Variants in ERBB4 observed in about 807,000 individuals in gnomAD.
ERBB4 encodes receptor tyrosine-protein kinase erbB-4.
In ERBB4, 42 loss-of-function variants were observed where a neutral mutation model predicts 158.0. The observed-to-expected ratio is 0.27, with a 90% CI of 0.21 to 0.34. ERBB4 has a LOEUF of 0.34. ERBB4 is among the 10% of genes least tolerant of loss of function. The pLI is 1.00. For missense variants in ERBB4, 1,333 were observed against 1,624.1 expected (o/e 0.82, Z 3.08); for synonymous variants, 583 against 558.7 (o/e 1.04, Z -0.61).
chr2:212,185,219 G>T (rs1473998619), intron 1 of ERBB4, among the ~76,000 whole-genome samples: 1 of 151,532 alleles, frequency 6.6e-6, no homozygotes, highest in Non-Finnish European at 1.5e-5. Context: ...ACAAGGTTTT[G>T]CCATGTTGAC....
chr2:211,563,823 C>T (rs2067473954), intron 19 of ERBB4, among the ~76,000 whole-genome samples: 1 of 151,944 alleles, frequency 6.6e-6, no homozygotes, highest in Admixed American at 6.6e-5. Context: ...TGTGTCTATA[C>T]ATATATATAC....
chr2:212,041,282 T>G (rs2077135247), intron 2 of ERBB4, among the ~76,000 whole-genome samples: 1 of 151,878 alleles, frequency 6.6e-6, no homozygotes, highest in Non-Finnish European at 1.5e-5. Flanking sequence ...GTTGTTGCTG[T>G]TTTTTTTCAT....
At chr2:211,737,665 A>G (rs934778249) in intron 5 of ERBB4, among the ~76,000 whole-genome samples, 5 of 152,206 alleles carry the variant, frequency 3.3e-5, no homozygotes, top group Non-Finnish European at 1.5e-5. Flanking sequence ...AACTGTACTT[A>G]CCTCATGAAG....
intron 1 of ERBB4, among the ~76,000 whole-genome samples, chr2:212,488,318 CCTCTCTCTCTCT>C (rs67659068): frequency 3.5e-5 from 4 of 115,778 alleles, no homozygotes; most frequent in Non-Finnish European, 5.4e-5. Context: ...TTTCCTCGCT[CCTCTCTCTCTCT>C]CTCTCTCTCT....
chr2:212,517,885 C>A (rs1691932350), intron 1 of ERBB4, among the ~76,000 whole-genome samples: 1 of 152,062 alleles, frequency 6.6e-6, no homozygotes, highest in Non-Finnish European at 1.5e-5. Flanking sequence ...CTCCTGCTGG[C>A]AAAGTGAGCA....
chr2:211,480,898 TG>T (rs1305122971), intron 20 of ERBB4, among the ~76,000 whole-genome samples: 1 of 152,310 alleles, frequency 6.6e-6, no homozygotes, highest in East Asian at 1.9e-4. Flanking sequence ...AGTTTTTATT[TG>T]AATCAGGAAT....
intron 1 of ERBB4, among the ~76,000 whole-genome samples, chr2:212,480,639 T>C (rs1689647759): frequency 6.6e-6 from 1 of 152,198 alleles, no homozygotes; most frequent in African/African-American, 2.4e-5. Flanking sequence ...CTTGTGCCAA[T>C]AGCAGGGAGA....
chr2:212,154,656 T>C, intron 1 of ERBB4, among the ~76,000 whole-genome samples: 1 of 121,444 alleles, frequency 8.2e-6, no homozygotes. Flanking sequence ...TCAGTGAATC[T>C]AATTTGACAA....
At position 211,665,361 on chromosome 2, in the gene ERBB4, A is replaced by G. The variant is rs750908259; in HGVS notation, c.1833T>C (p.Asp611=). The change falls in exon 15 of 28, where the codon GAT becomes GAC. Residue 611 remains aspartate (D), a synonymous_variant. Coordinates refer to ENST00000342788, the MANE Select transcript of ERBB4 (RefSeq NM_005235.3). The part of the protein sequence containing the change: ...NSFIFKYADP[D]RECHPCHPNC... The stretch of plus-strand genomic sequence containing the variant: ...TTGGATGGCATGGGTGGCACTCCCG[A>G]TCTGGATCAGCATACTTGAAAATGA... 2.5e-6 allele frequency: 4 copies of G among 1,614,170 alleles called. No homozygotes were observed. The highest frequency in any genetic ancestry group is 2.2e-5 in the South Asian group (2 of 91,080).
rs1057077446 is a variant in ERBB4 at position 212,271,115 on chromosome 2, G to A, written c.83-146212C>T. Among the ~76,000 whole-genome samples, 3 of 151,640 alleles carry A rather than the reference G, an allele frequency of 2.0e-5. No individual in the cohort carries two copies. In the Admixed American group the frequency reaches 2.0e-4, roughly 10 times the overall value. ...AGTTATCATATAATACATAATATTT[G>A]GAAACTTGTGAATTTACTTATCTAA... is the stretch of plus-strand genomic sequence containing the variant. On this transcript the variant is annotated intron_variant, in intron 1 of 27. Transcript: ENST00000342788.
chr2:211,464,460 A>G (rs2064623043), intron 20 of ERBB4, among the ~76,000 whole-genome samples: 1 of 152,138 alleles, frequency 6.6e-6, no homozygotes, highest in African/African-American at 2.4e-5. Context: ...CCTAAACAAA[A>G]TTGAAGGCTA....
rs2079016497 is a variant in ERBB4 at position 211,893,322 on chromosome 2, T to C, written c.421+54108A>G. ...CAAGCAAGGGGGAAAGGATTCCCTA[T>C]TTAATAAATGGTGCTGGGAAAACTG... On this transcript the variant is annotated intron_variant, in intron 3 of 27. Coordinates refer to ENST00000342788, the MANE Select transcript of ERBB4 (RefSeq NM_005235.3). 2.1e-5 allele frequency among the ~76,000 whole-genome samples: 3 copies of C among 144,640 alleles called. No individual in the cohort carries two copies. In the South Asian group the frequency reaches 6.3e-4, roughly 31 times the overall value. 94.9% of individuals were successfully genotyped at this position (144,640 alleles called of 152,430 possible).
intron 2 of ERBB4, among the ~76,000 whole-genome samples, chr2:211,954,658 G>A (rs1021362800): frequency 2.0e-5 from 3 of 151,126 alleles, no homozygotes; most frequent in Non-Finnish European, 3.0e-5. Flanking sequence ...GGTGGTAAGA[G>A]GGGGGGTAAT....
intron 1 of ERBB4, among the ~76,000 whole-genome samples, chr2:212,477,257 T>C (rs1242644455): frequency 1.3e-5 from 2 of 152,238 alleles, no homozygotes; most frequent in African/African-American, 4.8e-5. Flanking sequence ...TCTGTGTCTG[T>C]CAGGCAGTTT....
chr2:211,960,755 C>A (rs2081160597), intron 2 of ERBB4: 1 of 152,030 alleles, frequency 6.6e-6, no homozygotes, highest in South Asian at 2.1e-4. Context: ...TTTATAGAGT[C>A]ATTAATTCCA....
At chr2:212,150,577 C>T (rs2080835398) in intron 1 of ERBB4, among the ~76,000 whole-genome samples, 1 of 152,064 alleles carries the variant, frequency 6.6e-6, no homozygotes, top group African/African-American at 2.4e-5. Flanking sequence ...GCCTTACTTC[C>T]TTCCCCCAAG....
chr2:212,160,949 A>G (rs191967973), intron 1 of ERBB4, among the ~76,000 whole-genome samples: 1 of 152,152 alleles, frequency 6.6e-6, no homozygotes, highest in Admixed American at 6.6e-5. Context: ...CAGGTAACAA[A>G]TTGCCAAAGA....
chr2:211,724,002 T>C (rs1394349702), intron 6 of ERBB4, among the ~76,000 whole-genome samples: 1 of 152,162 alleles, frequency 6.6e-6, no homozygotes, highest in Non-Finnish European at 1.5e-5. Flanking sequence ...GCAAAACTTC[T>C]AAGAGTTTTT....
At chr2:211,925,311 T>A (rs531015673) in intron 3 of ERBB4, among the ~76,000 whole-genome samples, 1 of 152,068 alleles carries the variant, frequency 6.6e-6, no homozygotes, top group Non-Finnish European at 1.5e-5. Context: ...CACTACCAAC[T>A]TATTCCTGCT....
Sources: gnomAD v4.1 joint callset for allele counts (sites outside exome capture counted in the v4.1 genomes callset) on GRCh38, gnomAD v4.1.1 for gene constraint, MANE v1.5 for transcripts, NCBI Gene and HGNC (gene_info 2026-07-23, HGNC 2026-07-21) for gene names.